CORO7: variants seen among roughly 807,000 people sequenced by gnomAD.
CORO7 encodes the protein coronin 7.
A neutral mutation model predicts 126.6 loss-of-function variants in CORO7; 107 were observed. The ratio of observed to expected loss-of-function variants is 0.85; its 90% CI spans 0.72 to 0.99. The LOEUF (loss-of-function observed/expected upper bound fraction) is 0.99, where lower values mean the gene tolerates loss of function less well. Among genes scored for constraint, CORO7 ranks in the 50% least tolerant of loss-of-function variants. CORO7 has a pLI of 0.00. For synonymous variants in CORO7, 603 were observed against 536.8 expected (o/e 1.12, Z -1.70); for missense variants, 1,314 against 1,255.8 (o/e 1.05, Z -0.70).
rs781410581 is a variant in CORO7, at chr16:4,381,649, G to A, written c.785+6337C>T. 6.9e-6 allele frequency: 11 copies of A among 1,602,084 alleles called. No individual in the cohort carries two copies. Among genetic ancestry groups the A allele is most frequent in the Admixed American group, 3.4e-5 (2 of 58,808 alleles). ...CACCCGCATTGCCCAGCTGCGGCCC[G>A]AGGACCTGGCCGGCCTGGCTGCCCT... On this transcript the variant is annotated intron_variant, in intron 9 of 27. Transcript: ENST00000251166.
At chr16:4,387,808 T>TCTGGAAG in intron 9 of CORO7, 178 bp downstream of exon 9, 1 of 731,384 alleles carries the variant, frequency 1.4e-6, no homozygotes, top group Admixed American at 2.7e-5. Flanking sequence ...GCTCGTGACA[T>TCTGGAAG]CTGGAAGCTC....
chr16:4,405,820 C>G (rs1315203012), intron 5 of CORO7, among the ~76,000 whole-genome samples: 2 of 152,214 alleles, frequency 1.3e-5, no homozygotes, highest in African/African-American at 4.8e-5. Flanking sequence ...TGGCCTGGCT[C>G]TCTCATCCCT....
intron 9 of CORO7, among the ~76,000 whole-genome samples, chr16:4,380,057 C>CAA (rs779747877): frequency 3.3e-5 from 3 of 90,102 alleles, no homozygotes; most frequent in Non-Finnish European, 6.9e-5. Flanking sequence ...GACTCCGTCT[C>CAA]AAAAAAAAAA....
rs150124164 is a variant in CORO7 at position 4,413,501 on chromosome 16, G to A, written c.61-97C>T. 173 of 1,109,178 alleles carry A rather than the reference G, an allele frequency of 1.6e-4. No individual in the cohort carries two copies. The African/African-American group carries it at 2.6e-3, about 17-fold the overall frequency. The allele number at this position is 1,109,178 out of a possible 1,614,324, so 68.7% of individuals were successfully genotyped here. ...GTGGGGCATAATCTGGGGAACTCTA[G>A]CTCACAGCTGCACCATTCGAGATGC... On this transcript the variant is annotated intron_variant, in intron 1 of 27. Coordinates refer to ENST00000251166, the MANE Select transcript of CORO7 (RefSeq NM_024535.5).
intron 1 of CORO7, among the ~76,000 whole-genome samples, chr16:4,413,683 G>A (rs888136080): frequency 6.6e-6 from 1 of 151,736 alleles, no homozygotes; most frequent in Non-Finnish European, 1.5e-5. Flanking sequence ...GATTACAGGC[G>A]CCCAACACCA....
intron 9 of CORO7, among the ~76,000 whole-genome samples, chr16:4,379,052 G>A (rs905342285): frequency 1.3e-5 from 2 of 151,994 alleles, no homozygotes; most frequent in Admixed American, 1.3e-4. Flanking sequence ...TCTGTCCTGG[G>A]ACCACCTGCT....
chr16:4,409,081 A>C (rs1210967177), intron 3 of CORO7, among the ~76,000 whole-genome samples: 1 of 152,082 alleles, frequency 6.6e-6, no homozygotes, highest in Non-Finnish European at 1.5e-5. Context: ...GGAGGTAGAG[A>C]CTAGGCATGG....
intron 8 of CORO7, 89 bp downstream of exon 8, chr16:4,388,456 C>A (rs2055272130): frequency 2.1e-6 from 3 of 1,436,000 alleles, no homozygotes; most frequent in African/African-American, 2.8e-5. Flanking sequence ...GCCCTCAGTC[C>A]CCCGCCTCCC....
chr16:4,382,354 A>G, intron 9 of CORO7: 1 of 1,611,996 alleles, frequency 6.2e-7, no homozygotes. Context: ...GCAGCTCAGG[A>G]GCCTCCGTCT....
Position 4,359,305 on chromosome 16 carries a change from G to A in CORO7, c.2331C>T (p.Asp777=), listed in dbSNP as rs2054082660. 6.2e-7 allele frequency: 1 copy of A among 1,606,550 alleles called. No individual in the cohort carries two copies. The highest frequency in any genetic ancestry group is 8.5e-7 in the Non-Finnish European group (1 of 1,177,288). ...GCCAGGGTGGCCTCACCTTGTGGGG[G>A]TCAGGCGACGTGAAGCTGTTGCACT... ...FLECNSFTSP[D]PHKGLVLLPK... is the part of the protein sequence containing the mutation. The change falls in exon 23 of 28, where the codon GAC becomes GAT. Residue 777 remains aspartate, a synonymous_variant. Transcript: ENST00000251166.
intron 7 of CORO7, among the ~76,000 whole-genome samples, chr16:4,389,996 G>A (rs1289056885): frequency 6.6e-6 from 1 of 152,192 alleles, no homozygotes; most frequent in Admixed American, 6.5e-5. Flanking sequence ...TCACTCATCT[G>A]TTCTCTCGTC....
intron 6 of CORO7, among the ~76,000 whole-genome samples, chr16:4,402,553 A>G (rs2055850295): frequency 6.6e-6 from 1 of 152,164 alleles, no homozygotes; most frequent in Non-Finnish European, 1.5e-5. Flanking sequence ...CCACCCGCCC[A>G]GCCCTGTGAA....
intron 9 of CORO7, chr16:4,381,036 C>G: frequency 6.2e-7 from 1 of 1,610,578 alleles, no homozygotes; most frequent in Non-Finnish European, 8.5e-7. Flanking sequence ...TGCCACCCGA[C>G]ACGGTGGGGC....
chr16:4,362,026 C>T lies in CORO7; in HGVS notation c.1537G>A (p.Val513Met), dbSNP rs765686468. 39 of 1,612,542 alleles carry T rather than the reference C, an allele frequency of 2.4e-5. No individual in the cohort carries two copies. The highest frequency in any genetic ancestry group is 1.7e-4 in the Middle Eastern group (1 of 6,058). Residue 513 changes from valine (V) to methionine (M), a missense_variant, in exon 16 of 28, where the codon GTG becomes ATG. By Grantham distance (21) the Val-to-Met change is conservative (BLOSUM62 1). Transcript: ENST00000251166. The surrounding 1 kb of genome is among the most constrained non-coding windows in gnomAD (Gnocchi z 5.3). ...GFCANKLRVA[V>M]PLLSSGGQVA... The stretch of plus-strand genomic sequence containing the variant: ...TGTCCCCCGCTGCTGAGCAGCGGCA[C>T]GGCCACACGCAGCTTGTTGGCACAG...
intron 23 of CORO7, 158 bp downstream of exon 23, chr16:4,359,138 G>GC: frequency 1.3e-6 from 1 of 756,568 alleles, no homozygotes. Flanking sequence ...AATTCCAGCA[G>GC]CAACTCTTCT....
At chr16:4,403,133 G>A (rs1417107562) in intron 6 of CORO7, among the ~76,000 whole-genome samples, 1 of 152,170 alleles carries the variant, frequency 6.6e-6, no homozygotes, top group Non-Finnish European at 1.5e-5. Context: ...GCCAGGTGCG[G>A]CTGCAAAGAG....
Position 4,361,380 on chromosome 16 carries a change from G to A in CORO7, c.1668C>T (p.Asp556=). The change falls in exon 17 of 28, where the codon GAC becomes GAT. Residue 556 remains aspartate, a synonymous_variant. Transcript: ENST00000251166. The stretch of plus-strand genomic sequence containing the variant: ...CCTTACCCACAGCGAGGCGATGGGG[G>A]TCAAAGGGGTCCCAGGCCAGATCAG... ...AVTDLAWDPF[D]PHRLAVAGED... 6.2e-7 allele frequency: 1 copy of A among 1,612,340 alleles called. No homozygotes were observed. The highest frequency in any genetic ancestry group is 8.5e-7 in the Non-Finnish European group (1 of 1,179,762).
chr16:4,402,965 G>C (rs889086749), intron 6 of CORO7, among the ~76,000 whole-genome samples: 4 of 152,114 alleles, frequency 2.6e-5, no homozygotes, highest in African/African-American at 9.7e-5. Context: ...TCACACAGAG[G>C]CAGGACAGGA....
chr16:4,355,113 T>C lies in CORO7; in HGVS notation c.*45A>G. ...TGAGGATGAGCCGTGAGGTGTGCAC[T>C]AGGAAGTGGCAGCACAGGTGAGGTG... On this transcript the variant is annotated 3_prime_UTR_variant, in exon 28 of 28. Coordinates refer to ENST00000251166, the MANE Select transcript of CORO7 (RefSeq NM_024535.5). 1 of 1,478,336 alleles carries C rather than the reference T, an allele frequency of 6.8e-7. No homozygotes were observed. Among genetic ancestry groups the C allele is most frequent in the Non-Finnish European group, 9.0e-7 (1 of 1,108,984 alleles). 91.6% of individuals were successfully genotyped at this position (1,478,336 alleles called of 1,614,324 possible). A position where few individuals can be genotyped will look rare whatever the true frequency, so the allele number is the denominator to read the frequency against.
Sources: gnomAD v4.1 joint callset for allele counts (sites outside exome capture counted in the v4.1 genomes callset) on GRCh38, gnomAD v4.1.1 for gene constraint, Gnocchi (gnomAD v3.1) non-coding constraint, MANE v1.5 for transcripts, NCBI Gene and HGNC (gene_info 2026-07-23, HGNC 2026-07-21) for gene names.